FNBP1L: variants seen among roughly 807,000 people sequenced by gnomAD.
FNBP1L encodes the protein formin binding protein 1 like.
Under a neutral mutation model 91.2 loss-of-function variants are expected in FNBP1L, and 36 were observed. That is an observed-to-expected ratio of 0.39 (90% CI 0.30 to 0.52). FNBP1L has a LOEUF of 0.52. FNBP1L is among the 20% of genes least tolerant of loss of function. The pLI is 0.66. For missense variants in FNBP1L, 571 were observed against 732.1 expected, an observed-to-expected ratio of 0.78 and a Z score of 2.54; for synonymous variants, 242 against 237.0, an observed-to-expected ratio of 1.02 and a Z score of -0.19.
intron 1 of FNBP1L, among the ~76,000 whole-genome samples, chr1:93,480,023 G>A (rs1018222818): frequency 1.3e-5 from 2 of 152,182 alleles, no homozygotes; most frequent in Non-Finnish European, 2.9e-5. Context: ...TTGAAGTAAA[G>A]ACAGGCATAA....
rs1226784916 is a variant in FNBP1L at position 93,450,538 on chromosome 1, A to C, written c.24+2233A>C. Among the ~76,000 whole-genome samples the C allele has an allele frequency of 2.0e-5, 3 of 152,294 alleles. No individual in the cohort carries two copies. In the East Asian group the frequency reaches 5.8e-4, roughly 29 times the overall value. On this transcript the variant is annotated intron_variant, in intron 1 of 16. Transcript: ENST00000271234. ...TTGTTGGGACTAGAAGAAACCTTAG[A>C]AAAATTTGAGTATGCTTCCTCTTTT...
At position 93,524,242 on chromosome 1, in the gene FNBP1L, C is replaced by T; in HGVS notation, c.343-19C>T. 6.3e-6 allele frequency: 9 copies of T among 1,434,308 alleles called. No individual in the cohort carries two copies. The highest frequency in any genetic ancestry group is 1.6e-5 in the South Asian group (1 of 62,000). 88.8% of individuals were successfully genotyped at this position (1,434,308 alleles called of 1,614,324 possible). A position where few individuals can be genotyped will look rare whatever the true frequency, so the allele number is the denominator to read the frequency against. ...TATTTTTTATTTTTATTTTTTTTGG[C>T]CGTGGTTATAATCTTCAGCATCTGC... On this transcript the variant is annotated intron_variant, in intron 4 of 16. Coordinates refer to ENST00000271234, the MANE Select transcript of FNBP1L (RefSeq NM_001164473.3).
chr1:93,452,437 A>T (rs950044123), intron 1 of FNBP1L, among the ~76,000 whole-genome samples: 2 of 152,222 alleles, frequency 1.3e-5, no homozygotes, highest in African/African-American at 4.8e-5. Context: ...AAGGATGGGG[A>T]AGAAAAGACC....
chr1:93,473,956 CAG>C (rs1304752945), intron 1 of FNBP1L, among the ~76,000 whole-genome samples: 9 of 152,096 alleles, frequency 5.9e-5, no homozygotes, highest in Non-Finnish European at 1.3e-4. Context: ...AAATTTACAG[CAG>C]AGTGGTGGAG....
intron 9 of FNBP1L, 123 bp downstream of exon 9, chr1:93,535,031 A>ATC: frequency 3.8e-6 from 3 of 788,446 alleles, no homozygotes; most frequent in Non-Finnish European, 6.0e-6. Context: ...TGAATGATTC[A>ATC]GTTAACCTTT....
chr1:93,548,733 A>G (rs913025466), intron 14 of FNBP1L, among the ~76,000 whole-genome samples: 12 of 152,272 alleles, frequency 7.9e-5, no homozygotes, highest in Admixed American at 7.9e-4. Flanking sequence ...TTTCGAGTCC[A>G]GTAGAAAAGG....
chr1:93,495,882 A>G (rs973084281), intron 1 of FNBP1L, among the ~76,000 whole-genome samples: 1 of 152,260 alleles, frequency 6.6e-6, no homozygotes, highest in Non-Finnish European at 1.5e-5. Flanking sequence ...TTGTCTGTAC[A>G]CTTAAAATTC....
chr1:93,534,899 G>C lies in FNBP1L; in HGVS notation c.981G>C (p.Lys327Asn). 6.4e-7 allele frequency: 1 copy of C among 1,565,104 alleles called. No individual in the cohort carries two copies. Among genetic ancestry groups the C allele is most frequent in the Non-Finnish European group, 8.7e-7 (1 of 1,153,920 alleles). The change falls in exon 9 of 17, where the codon AAG becomes AAC. Residue 327 changes from lysine (K) to asparagine (N), a missense_variant. By Grantham distance (94) the Lys-to-Asn change is moderately conservative. Transcript: ENST00000271234. ...KAKGKLWLFGKKPKPQSPPLT... is the reference protein window; with the variant it reads ...KAKGKLWLFGNKPKPQSPPLT... ...AGGGCAAATTGTGGCTCTTTGGAAA[G>C]AAGCCAAAGGTAAAAGTCATAAAAT...
rs959075991 is a variant in FNBP1L, at chr1:93,554,364, GCTA to G, written c.*1951_*1953del. Reference sequence around the variant, plus strand: ...TGTAAGGACTAACTGTTCTTTTCAAGCTACTGTTTGTTTTTCTAAAAGCAGGAT... The same window carrying G: ...TGTAAGGACTAACTGTTCTTTTCAAGCTGTTTGTTTTTCTAAAAGCAGGAT... On this transcript the variant is annotated 3_prime_UTR_variant, in exon 17 of 17. Coordinates refer to ENST00000271234, the MANE Select transcript of FNBP1L (RefSeq NM_001164473.3). 1 of 152,658 alleles carries G rather than the reference GCTA, an allele frequency of 6.6e-6. No homozygotes were observed. Among genetic ancestry groups the G allele is most frequent in the African/African-American group, 2.4e-5 (1 of 41,452 alleles). 9.5% of individuals were successfully genotyped at this position (152,658 alleles called of 1,614,324 possible).
chr1:93,516,699 G>A (rs1671131392), intron 2 of FNBP1L, among the ~76,000 whole-genome samples: 1 of 151,900 alleles, frequency 6.6e-6, no homozygotes, highest in Admixed American at 6.6e-5. Context: ...CCAGCTACTA[G>A]GGAGGCTGAG....
At chr1:93,459,957 GTGTGTGTGTGTGTGTGTGTGTT>G (rs1668806510) in intron 1 of FNBP1L, among the ~76,000 whole-genome samples, 2 of 148,654 alleles carry the variant, frequency 1.3e-5, no homozygotes, top group South Asian at 4.7e-4. Flanking sequence ...GTGTGTGTGT[GTGTGTGTGTGTGTGTGTGTGTT>G]TTTGGGATAT....
intron 16 of FNBP1L, chr1:93,551,306 T>G: frequency 7.9e-7 from 1 of 1,261,746 alleles, no homozygotes; most frequent in Non-Finnish European, 1.0e-6. Context: ...TTGTGGCACT[T>G]TACTGTTTGA....
chr1:93,516,380 C>G (rs1268171770), intron 2 of FNBP1L, among the ~76,000 whole-genome samples: 1 of 152,218 alleles, frequency 6.6e-6, no homozygotes, highest in Non-Finnish European at 1.5e-5. Flanking sequence ...TCCTTGTCCA[C>G]TTACGGTGAC....
chr1:93,510,258 T>A (rs1270272741), intron 2 of FNBP1L, among the ~76,000 whole-genome samples: 2 of 152,186 alleles, frequency 1.3e-5, no homozygotes, highest in Non-Finnish European at 2.9e-5. Flanking sequence ...CAGCTGGAGA[T>A]CTGAGAACGG....
chr1:93,461,819 T>C (rs1259239108), intron 1 of FNBP1L, among the ~76,000 whole-genome samples: 1 of 152,174 alleles, frequency 6.6e-6, no homozygotes, highest in Non-Finnish European at 1.5e-5. Context: ...AATTATTACA[T>C]GGGAGTTAAG....
At chr1:93,461,900 G>A (rs1368094090) in intron 1 of FNBP1L, among the ~76,000 whole-genome samples, 1 of 152,138 alleles carries the variant, frequency 6.6e-6, no homozygotes, top group African/African-American at 2.4e-5. Context: ...ATCTCACAAA[G>A]CCCACCATCA....
In FNBP1L at chr1:93,448,315, G is replaced by C. The variant is rs1218042275; in HGVS notation, c.24+10G>C. ...GGGCACGGAGCTGTGGGTGAGTCGG[G>C]GAGAGGGGCGCCCCGCACGGACCCC... On this transcript the variant is annotated intron_variant, in intron 1 of 16. Coordinates refer to ENST00000271234, the MANE Select transcript of FNBP1L (RefSeq NM_001164473.3). 4 of 1,508,170 alleles carry C rather than the reference G, an allele frequency of 2.7e-6. No individual in the cohort carries two copies. The highest frequency in any genetic ancestry group is 1.3e-5 in the South Asian group (1 of 79,990). 93.4% of individuals were successfully genotyped at this position (1,508,170 alleles called of 1,614,324 possible). A position where few individuals can be genotyped will look rare whatever the true frequency, so the allele number is the denominator to read the frequency against.
chr1:93,477,852 GATGTA>G (rs1669551602), intron 1 of FNBP1L, among the ~76,000 whole-genome samples: 1 of 152,214 alleles, frequency 6.6e-6, no homozygotes, highest in Non-Finnish European at 1.5e-5. Context: ...AAAGCTAAAA[GATGTA>G]ATAAGATACA....
At chr1:93,523,824 T>A (rs1301744699) in intron 4 of FNBP1L, among the ~76,000 whole-genome samples, 1 of 152,210 alleles carries the variant, frequency 6.6e-6, no homozygotes, top group Non-Finnish European at 1.5e-5. Context: ...ATTTTTAATG[T>A]CCATACATAA....
Sources: allele counts gnomAD v4.1 joint callset (sites outside exome capture counted in the v4.1 genomes callset), GRCh38; gene constraint gnomAD v4.1.1; transcripts MANE v1.5; gene names NCBI Gene and HGNC (gene_info 2026-07-23, HGNC 2026-07-21).